The following CHODL variants were observed in gnomAD, a reference collection of about 807,000 sequenced individuals.
CHODL encodes the protein chondrolectin.
A neutral mutation model predicts 34.5 loss-of-function variants in CHODL; 29 were observed. That is an observed-to-expected ratio of 0.84 (90% confidence interval 0.63 to 1.15). The LOEUF (loss-of-function observed/expected upper bound fraction) is 1.15, where lower values mean the gene tolerates loss of function less well. CHODL is among the 50% of genes most tolerant of loss of function. The pLI is 0.00. For synonymous variants in CHODL, 125 were observed against 116.1 expected, an observed-to-expected ratio of 1.08 and a Z score of -0.49; for missense variants, 332 against 332.5, an observed-to-expected ratio of 1.00 and a Z score of 0.01.
chr21:17,939,411 C>T (rs1175370434), intron 1 of CHODL, among the ~76,000 whole-genome samples: 4 of 152,096 alleles, frequency 2.6e-5, no homozygotes, highest in Non-Finnish European at 5.9e-5. Flanking sequence ...TGCTGAATTT[C>T]CTTCTTTTTA....
intron 1 of CHODL, among the ~76,000 whole-genome samples, chr21:17,938,493 T>TTTTTTTTTTTGAG (rs1568806953): frequency 1.9e-5 from 1 of 54,032 alleles, no homozygotes; most frequent in Non-Finnish European, 3.1e-5. Flanking sequence ...TTTTTTTTTT[T>TTTTTTTTTTTGAG]AAGGAAAGGG....
intron 1 of CHODL, chr21:18,024,812 T>C (rs1235364498): frequency 6.6e-6 from 1 of 152,208 alleles, no homozygotes; most frequent in Non-Finnish European, 1.5e-5. Context: ...CCATAGAGGA[T>C]GGTGGAGTTG....
At chr21:18,090,599 C>G (rs963738506) in intron 2 of CHODL, among the ~76,000 whole-genome samples, 5 of 150,548 alleles carry the variant, frequency 3.3e-5, no homozygotes, top group African/African-American at 1.2e-4. Context: ...AGAAAAGAAT[C>G]TAAACTAAAG....
At chr21:18,189,767 T>C (rs1431205905) in intron 2 of CHODL, among the ~76,000 whole-genome samples, 1 of 151,672 alleles carries the variant, frequency 6.6e-6, no homozygotes, top group Non-Finnish European at 1.5e-5. Context: ...CCTGAATAGC[T>C]GGGATTACAG....
chr21:18,093,609 T>C (rs1367655563), intron 2 of CHODL, among the ~76,000 whole-genome samples: 1 of 152,188 alleles, frequency 6.6e-6, no homozygotes, highest in Non-Finnish European at 1.5e-5. Flanking sequence ...GTTAGAGTTT[T>C]ATTAGTTTTC....
chr21:18,261,013 A>T (rs1188456046), intron 4 of CHODL, among the ~76,000 whole-genome samples: 2 of 152,154 alleles, frequency 1.3e-5, no homozygotes, highest in Non-Finnish European at 2.9e-5. Flanking sequence ...TTGAAGTCAA[A>T]CAGGAGTGGG....
At chr21:18,244,557 G>T (rs892988467), upstream of CHODL, among the ~76,000 whole-genome samples, 4 of 152,104 alleles carry the variant, frequency 2.6e-5, no homozygotes, top group East Asian at 1.9e-4. Context: ...AAAACTAAAC[G>T]GATCCAACTT....
intron 2 of CHODL, among the ~76,000 whole-genome samples, chr21:18,060,394 G>A (rs1052255952): frequency 5.3e-5 from 8 of 151,816 alleles, no homozygotes; most frequent in African/African-American, 1.9e-4. Flanking sequence ...AGGCTGCAGC[G>A]AGCCGTGTTT....
intron 2 of CHODL, among the ~76,000 whole-genome samples, chr21:18,186,603 A>G (rs778310107): frequency 6.6e-6 from 1 of 152,172 alleles, no homozygotes; most frequent in Non-Finnish European, 1.5e-5. Context: ...GTAAAATCAA[A>G]ACACATATTT....
chr21:18,050,548 G>GT (rs1292446972), intron 2 of CHODL, among the ~76,000 whole-genome samples: 1 of 151,882 alleles, frequency 6.6e-6, no homozygotes, highest in Non-Finnish European at 1.5e-5. Context: ...ATAGATAAAC[G>GT]TAAGATACAT....
At chr21:17,939,485 G>A (rs1031371875) in intron 1 of CHODL, among the ~76,000 whole-genome samples, 2 of 151,800 alleles carry the variant, frequency 1.3e-5, no homozygotes, top group Non-Finnish European at 2.9e-5. Context: ...ATCTGTCAGT[G>A]AACATTAAAA....
At chr21:18,035,960 C>T (rs997559396) in intron 2 of CHODL, among the ~76,000 whole-genome samples, 10 of 151,920 alleles carry the variant, frequency 6.6e-5, no homozygotes, top group Admixed American at 3.3e-4. Flanking sequence ...ATCATATTTT[C>T]CTCCTTTGCA....
intron 2 of CHODL, among the ~76,000 whole-genome samples, chr21:18,191,667 G>T (rs899581265): frequency 6.6e-6 from 1 of 152,152 alleles, no homozygotes; most frequent in Non-Finnish European, 1.5e-5. Flanking sequence ...TGTGATTGAG[G>T]TGTAGAAGTA....
At chr21:17,951,904 T>C (rs1266067633) in intron 1 of CHODL, among the ~76,000 whole-genome samples, 1 of 152,134 alleles carries the variant, frequency 6.6e-6, no homozygotes, top group African/African-American at 2.4e-5. Flanking sequence ...AATGAGAGAA[T>C]AATATTTAAA....
At chr21:18,176,936 C>A (rs2073322343) in intron 2 of CHODL, among the ~76,000 whole-genome samples, 1 of 151,976 alleles carries the variant, frequency 6.6e-6, no homozygotes, top group Non-Finnish European at 1.5e-5. Context: ...ATAAACACAA[C>A]ATTCATTGCA....
intron 2 of CHODL, among the ~76,000 whole-genome samples, chr21:18,050,808 A>G (rs2064504477): frequency 1.3e-5 from 2 of 151,900 alleles, no homozygotes; most frequent in African/African-American, 2.4e-5. Flanking sequence ...TTGTTGGTGT[A>G]GGAACATGTT....
intron 2 of CHODL, among the ~76,000 whole-genome samples, chr21:18,124,154 G>A (rs908509314): frequency 6.6e-5 from 10 of 152,082 alleles, no homozygotes; most frequent in East Asian, 1.9e-4. Context: ...ATGACCTTGC[G>A]TGGCATGTGA....
intron 1 of CHODL, among the ~76,000 whole-genome samples, chr21:18,014,850 C>T (rs944420505): frequency 6.6e-6 from 1 of 152,120 alleles, no homozygotes; most frequent in Non-Finnish European, 1.5e-5. Flanking sequence ...TATAAATTGC[C>T]AAGGCTGAGG....
chr21:18,015,066 A>G (rs769313291), intron 1 of CHODL, among the ~76,000 whole-genome samples: 12 of 152,192 alleles, frequency 7.9e-5, no homozygotes, highest in African/African-American at 2.7e-4. Flanking sequence ...TTGTATACAA[A>G]ATGCTGATAG....
Sources: gnomAD v4.1 joint callset for allele counts (sites outside exome capture counted in the v4.1 genomes callset) on GRCh38, gnomAD v4.1.1 for gene constraint, MANE v1.5 for transcripts, NCBI Gene and HGNC (gene_info 2026-07-23, HGNC 2026-07-21) for gene names.